The following DLG2 variants were observed in gnomAD, a reference collection of about 807,000 sequenced individuals.
DLG2 encodes the protein disks large homolog 2.
Under a neutral mutation model 132.5 loss-of-function variants are expected in DLG2, and 45 were observed. That is an observed-to-expected ratio of 0.34 (90% CI 0.27 to 0.44). The LOEUF is 0.44. Among genes scored for constraint, DLG2 ranks in the 20% least tolerant of loss-of-function variants. DLG2 has a pLI of 1.00. For missense variants in DLG2, 1,045 were observed against 1,196.9 expected (o/e 0.87, Z 1.87); for synonymous variants, 424 against 419.6 (o/e 1.01, Z -0.13).
chr11:84,316,723 T>C, intron 7 of DLG2: 4 of 1,250,298 alleles, frequency 3.2e-6, no homozygotes, highest in Non-Finnish European at 4.3e-6. Flanking sequence ...CATACAGGCA[T>C]ACCCGTGGTA....
chr11:84,999,649 AG>A (rs2058023961), intron 6 of DLG2, among the ~76,000 whole-genome samples: 1 of 152,172 alleles, frequency 6.6e-6, no homozygotes, highest in Non-Finnish European at 1.5e-5. Flanking sequence ...GGTTTTTAAA[AG>A]CTTCAAAGCA....
intron 3 of DLG2, among the ~76,000 whole-genome samples, chr11:85,596,741 T>G (rs2079799334): frequency 6.6e-6 from 1 of 152,210 alleles, no homozygotes; most frequent in African/African-American, 2.4e-5. Flanking sequence ...CTACCTATCC[T>G]TTACAAAGAT....
At chr11:84,993,722 G>C (rs961933544) in intron 6 of DLG2, among the ~76,000 whole-genome samples, 2 of 152,136 alleles carry the variant, frequency 1.3e-5, no homozygotes, top group African/African-American at 4.8e-5. Context: ...CACAACTTTT[G>C]TTAATTAGTC....
At chr11:85,550,454 C>A (rs1017082712) in intron 3 of DLG2, among the ~76,000 whole-genome samples, 1 of 152,232 alleles carries the variant, frequency 6.6e-6, no homozygotes, top group African/African-American at 2.4e-5. Context: ...TGCGTGCTCC[C>A]TCCTGCAAGG....
At chr11:83,586,132 A>G (rs900906145) in intron 19 of DLG2, among the ~76,000 whole-genome samples, 1 of 152,210 alleles carries the variant, frequency 6.6e-6, no homozygotes, top group Non-Finnish European at 1.5e-5. Context: ...GGACAGCTAG[A>G]GAATCTGGAT....
chr11:84,640,306 A>T (rs928484136), intron 6 of DLG2: 1 of 344,048 alleles, frequency 2.9e-6, no homozygotes, highest in African/African-American at 2.2e-5. Context: ...GTTATCTAGG[A>T]GAATGGGTCT....
intron 19 of DLG2, among the ~76,000 whole-genome samples, chr11:83,586,413 T>A (rs1252468251): frequency 6.6e-6 from 1 of 152,236 alleles, no homozygotes; most frequent in Non-Finnish European, 1.5e-5. Flanking sequence ...ACTGGGTCAA[T>A]TATTTTGCTT....
chr11:84,375,700 C>A (rs953225282), intron 7 of DLG2, among the ~76,000 whole-genome samples: 1 of 151,728 alleles, frequency 6.6e-6, no homozygotes, highest in African/African-American at 2.4e-5. Context: ...GTTAGCTGGC[C>A]ATATTTTAAT....
intron 17 of DLG2, among the ~76,000 whole-genome samples, chr11:83,792,523 T>C (rs1405427917): frequency 2.0e-5 from 3 of 152,170 alleles, no homozygotes; most frequent in Non-Finnish European, 2.9e-5. Flanking sequence ...TTCTTGTATA[T>C]ACTACTAATT....
chr11:83,525,934 T>C (rs1348668657), intron 21 of DLG2, among the ~76,000 whole-genome samples: 2 of 152,006 alleles, frequency 1.3e-5, no homozygotes, highest in African/African-American at 4.8e-5. Flanking sequence ...AGTGACACAA[T>C]AGTAGGCTCT....
chr11:84,482,094 C>T (rs1255446107), intron 7 of DLG2, among the ~76,000 whole-genome samples: 2 of 152,016 alleles, frequency 1.3e-5, no homozygotes, highest in Non-Finnish European at 2.9e-5. Flanking sequence ...TTAAGCTGAG[C>T]AACAAAATAT....
At chr11:83,792,630 A>G (rs2041873939) in intron 17 of DLG2, among the ~76,000 whole-genome samples, 1 of 152,158 alleles carries the variant, frequency 6.6e-6, no homozygotes, top group Non-Finnish European at 1.5e-5. Context: ...TCCACTTACT[A>G]ATATACCTTA....
intron 3 of DLG2, among the ~76,000 whole-genome samples, chr11:85,507,156 CTT>C (rs1479028905): frequency 6.6e-6 from 1 of 152,136 alleles, no homozygotes; most frequent in African/African-American, 2.4e-5. Context: ...GGTCTTGACT[CTT>C]TGTCCAATTT....
intron 6 of DLG2, among the ~76,000 whole-genome samples, chr11:84,808,542 G>C (rs1413913989): frequency 6.6e-6 from 1 of 151,826 alleles, no homozygotes; most frequent in Non-Finnish European, 1.5e-5. Context: ...TGTTTAATAA[G>C]ATCAATAAAA....
chr11:84,730,183 T>C (rs918994586), intron 6 of DLG2, among the ~76,000 whole-genome samples: 1 of 152,050 alleles, frequency 6.6e-6, no homozygotes, highest in Non-Finnish European at 1.5e-5. Context: ...GTTGGATCTA[T>C]GTTCCAGTCC....
intron 4 of DLG2, among the ~76,000 whole-genome samples, chr11:85,218,248 G>A (rs1462591849): frequency 6.6e-6 from 1 of 152,170 alleles, no homozygotes; most frequent in Non-Finnish European, 1.5e-5. Context: ...ACTGTCAACA[G>A]AGTAAACAGC....
chr11:85,084,598 T>A (rs1285874234), intron 6 of DLG2, among the ~76,000 whole-genome samples: 1 of 152,066 alleles, frequency 6.6e-6, no homozygotes, highest in Non-Finnish European at 1.5e-5. Context: ...GTCAGCATGG[T>A]TTTGACAGAC....
intron 4 of DLG2, among the ~76,000 whole-genome samples, chr11:85,158,738 C>T (rs1401042273): frequency 6.6e-6 from 1 of 152,162 alleles, no homozygotes; most frequent in Non-Finnish European, 1.5e-5. Context: ...TAATGGACAG[C>T]AGAGGCAAAA....
intron 22 of DLG2, among the ~76,000 whole-genome samples, chr11:83,477,238 G>T (rs2092692962): frequency 6.6e-6 from 1 of 152,050 alleles, no homozygotes; most frequent in African/African-American, 2.4e-5. Context: ...TAATACATGG[G>T]TGACTGTAAG....
Sources: allele counts gnomAD v4.1 joint callset (sites outside exome capture counted in the v4.1 genomes callset), GRCh38; gene constraint gnomAD v4.1.1; transcripts MANE v1.5; gene names NCBI Gene and HGNC (gene_info 2026-07-23, HGNC 2026-07-21).